COLEC10: variants seen among roughly 807,000 people sequenced by gnomAD.
COLEC10 encodes the protein collectin subfamily member 10, also known as collectin-10.
Under a neutral mutation model 28.4 loss-of-function variants are expected in COLEC10, and 22 were observed. That is an observed-to-expected ratio of 0.78 (90% CI 0.55 to 1.11). COLEC10 has a LOEUF of 1.11. COLEC10 is among the 50% of genes least tolerant of loss of function. COLEC10 has a pLI of 0.00. For synonymous variants in COLEC10, 125 were observed against 116.1 expected (o/e 1.08, Z -0.49); for missense variants, 361 against 344.1 (o/e 1.05, Z -0.39).
chr8:119,008,298 T>C (rs2130078419), intron 1 of COLEC10, among the ~76,000 whole-genome samples: 1 of 150,928 alleles, frequency 6.6e-6, no homozygotes, highest in African/African-American at 2.5e-5. Flanking sequence ...TAGATGATGG[T>C]GAATGCTGGA....
intron 1 of COLEC10, among the ~76,000 whole-genome samples, chr8:119,072,448 T>G (rs1022005371): frequency 6.6e-6 from 1 of 152,326 alleles, no homozygotes; most frequent in East Asian, 1.9e-4. Flanking sequence ...CTCAATGGAC[T>G]TTTGAGAAAA....
At chr8:119,018,109 T>TG (rs1246344090) in intron 2 of COLEC10, among the ~76,000 whole-genome samples, 1 of 152,202 alleles carries the variant, frequency 6.6e-6, no homozygotes, top group Non-Finnish European at 1.5e-5. Context: ...AAACTCTGCC[T>TG]GTATTTCCTG....
At chr8:119,091,567 GAA>G (rs1475430113) in intron 3 of COLEC10, among the ~76,000 whole-genome samples, 7 of 130,722 alleles carry the variant, frequency 5.4e-5, no homozygotes, top group African/African-American at 2.1e-4. Flanking sequence ...AAGAAAGAAA[GAA>G]AGAAAGAGAG....
At chr8:118,997,046 C>A (rs79270143) in intron 1 of COLEC10, among the ~76,000 whole-genome samples, 1,964 of 152,312 alleles carry the variant, frequency 0.013, 22 homozygotes, top group Middle Eastern at 0.024. Context: ...CACATTTCAA[C>A]ATGAGATTTG....
intron 2 of COLEC10, among the ~76,000 whole-genome samples, chr8:119,090,800 A>G (rs1269771102): frequency 6.6e-6 from 1 of 152,192 alleles, no homozygotes; most frequent in East Asian, 1.9e-4. Context: ...AGGAAGACAA[A>G]ATAGAGCTAA....
chr8:119,086,969 T>C (rs1028872767), intron 1 of COLEC10, among the ~76,000 whole-genome samples: 2 of 152,196 alleles, frequency 1.3e-5, no homozygotes, highest in East Asian at 1.9e-4. Flanking sequence ...TTATGAGTTA[T>C]GTGACCTTGG....
intron 2 of COLEC10, among the ~76,000 whole-genome samples, chr8:119,057,474 C>T (rs1814785097): frequency 6.6e-6 from 1 of 152,056 alleles, no homozygotes; most frequent in Non-Finnish European, 1.5e-5. Context: ...TCAGGTGCCT[C>T]TCCTCAGGGT....
the COLEC10 span, among the ~76,000 whole-genome samples, chr8:118,953,471 C>T: frequency 6.6e-6 from 1 of 152,030 alleles, no homozygotes; most frequent in African/African-American, 2.4e-5. Context: ...AGGTGTTTTT[C>T]TCAGAACATA....
At chr8:119,071,457 A>G (rs1258205828) in intron 1 of COLEC10, among the ~76,000 whole-genome samples, 2 of 152,056 alleles carry the variant, frequency 1.3e-5, no homozygotes, top group African/African-American at 4.8e-5. Flanking sequence ...TTCCTGACTC[A>G]GGACGTTGGC....
At chr8:119,032,619 C>T (rs904613207) in intron 2 of COLEC10, among the ~76,000 whole-genome samples, 2 of 152,170 alleles carry the variant, frequency 1.3e-5, no homozygotes, top group African/African-American at 4.8e-5. Context: ...CAAAGGCCTT[C>T]TGCCCCGCGC....
At chr8:118,995,821 A>G (rs1034913417) in intron 1 of COLEC10, among the ~76,000 whole-genome samples, 1 of 152,158 alleles carries the variant, frequency 6.6e-6, no homozygotes, top group African/African-American at 2.4e-5. Context: ...AAGCAAATAG[A>G]TATTTTAATG....
rs367926268 is a variant in COLEC10, at chr8:119,075,827, A to G, written c.148+8398A>G. ...GAGAGGACCCTAATCAACCCAACTG[A>G]TGAGAGAAACTGAGCTCTGTTAAAT... On this transcript the variant is annotated intron_variant, in intron 1 of 5. Transcript: ENST00000332843. 1.5e-4 allele frequency among the ~76,000 whole-genome samples: 22 copies of G among 150,240 alleles called. No homozygotes were observed. In the East Asian group the frequency reaches 4.0e-3, roughly 27 times the overall value.
At position 119,102,386 on chromosome 8, in the gene COLEC10, GA is replaced by G. The variant is rs1286976627; in HGVS notation, c.336del (p.Gly113AlafsTer30). 5.6e-6 allele frequency: 9 copies of G among 1,609,476 alleles called. No homozygotes were observed. Among genetic ancestry groups the G allele is most frequent in the South Asian group, 1.1e-5 (1 of 90,100 alleles). ...AAAAGGTTTGCTTGGAATACCTGGA[GA>G]AAAAGGCAAAGCAGGTACGATATGT... ...GEKGLLGIPG[E>X]KGKAGTVCDC... On this transcript the variant is annotated frameshift_variant, in exon 4 of 6. Coordinates refer to ENST00000332843, the MANE Select transcript of COLEC10 (RefSeq NM_006438.5). LOFTEE classifies it high-confidence loss of function.
intron 1 of COLEC10, among the ~76,000 whole-genome samples, chr8:119,076,251 GA>G (rs201295327): frequency 0.027 from 3,176 of 116,754 alleles, 110 homozygotes; most frequent in African/African-American, 0.11. Flanking sequence ...ATGTGCTGAG[GA>G]CACAAAATTC....
chr8:119,028,675 C>A (rs1473818248), intron 2 of COLEC10, among the ~76,000 whole-genome samples: 1 of 152,066 alleles, frequency 6.6e-6, no homozygotes, highest in East Asian at 1.9e-4. Flanking sequence ...TGGGTGGGGA[C>A]ACAGTCAAGC....
chr8:119,046,758 T>C (rs1013017896), intron 2 of COLEC10, among the ~76,000 whole-genome samples: 13 of 152,246 alleles, frequency 8.5e-5, no homozygotes, highest in African/African-American at 3.1e-4. Flanking sequence ...TTCTTGATTT[T>C]CATGTGATGT....
the COLEC10 span, among the ~76,000 whole-genome samples, chr8:118,968,189 A>G: frequency 6.6e-6 from 1 of 151,740 alleles, no homozygotes; most frequent in Non-Finnish European, 1.5e-5. Flanking sequence ...GGGGTCTCTG[A>G]TGGTTTTTAG....
Position 119,108,086 on chromosome 8 carries a change from G to A in COLEC10, c.*1895G>A, listed in dbSNP as rs74764714. ...CATATTCAATTCAGCTTAATAATAG[G>A]AATTTGTTATATGTTTGACATTTAT... On this transcript the variant is annotated 3_prime_UTR_variant, in exon 6 of 6. Transcript: ENST00000332843. 2.8e-3 allele frequency among the ~76,000 whole-genome samples: 433 copies of A among 152,082 alleles called. No homozygotes were observed. The highest frequency in any genetic ancestry group is 0.01 in the African/African-American group (416 of 41,498).
chr8:119,031,193 T>C (rs73325418), intron 2 of COLEC10, among the ~76,000 whole-genome samples: 7,985 of 152,288 alleles, frequency 0.052, 499 homozygotes, highest in African/African-American at 0.14. Flanking sequence ...TGAAATATCA[T>C]GTGGCAGTGA....
Sources: allele counts gnomAD v4.1 joint callset (sites outside exome capture counted in the v4.1 genomes callset), GRCh38; gene constraint gnomAD v4.1.1; transcripts MANE v1.5; gene names NCBI Gene and HGNC (gene_info 2026-07-23, HGNC 2026-07-21).